Variants in GLI3 observed in about 807,000 individuals in gnomAD.
The protein encoded by GLI3 is GLI family zinc finger 3.
Under a neutral mutation model 100.8 loss-of-function variants are expected in GLI3, and 20 were observed. That is an observed-to-expected ratio of 0.20 (90% CI 0.14 to 0.29). The LOEUF (loss-of-function observed/expected upper bound fraction) is 0.29, where lower values mean the gene tolerates loss of function less well. GLI3 is among the 10% of genes least tolerant of loss of function. The probability of loss-of-function intolerance (pLI) is 1.00; values close to 1 mark genes in which losing one functional copy is unlikely to be tolerated. For synonymous variants in GLI3, 938 were observed against 860.5 expected (o/e 1.09, Z -1.58); for missense variants, 2,040 against 2,128.5 (o/e 0.96, Z 0.82).
chr7:42,064,609 T>G (rs905166671), intron 4 of GLI3, among the ~76,000 whole-genome samples: 1 of 152,142 alleles, frequency 6.6e-6, no homozygotes, highest in Admixed American at 6.6e-5. Flanking sequence ...AACCAACATA[T>G]TATTGGGTGG....
chr7:42,113,559 C>G, intron 3 of GLI3: 1 of 1,171,150 alleles, frequency 8.5e-7, no homozygotes, highest in Non-Finnish European at 1.3e-6. Context: ...AATAACCCTA[C>G]AGAAAATGGA....
At chr7:42,015,078 T>C (rs1189533755) in intron 10 of GLI3, among the ~76,000 whole-genome samples, 1 of 152,162 alleles carries the variant, frequency 6.6e-6, no homozygotes, top group Non-Finnish European at 1.5e-5. Context: ...TCTATCCTCA[T>C]AAACAAAAAA....
intron 7 of GLI3, among the ~76,000 whole-genome samples, chr7:42,039,396 T>C (rs569993776): frequency 6.6e-6 from 1 of 152,320 alleles, no homozygotes; most frequent in Admixed American, 6.5e-5. Context: ...GTCAAAACAC[T>C]TTCTGTCAAG....
chr7:41,964,466 G>C lies in GLI3; in HGVS notation c.4607C>G (p.Ser1536Cys), dbSNP rs758980438. 1.2e-6 allele frequency: 2 copies of C among 1,614,090 alleles called. No individual in the cohort carries two copies. Among genetic ancestry groups the C allele is most frequent in the Admixed American group, 1.7e-5 (1 of 60,012 alleles). The change falls in exon 15 of 15, where the codon TCC (serine) becomes TGC (cysteine). Residue 1536 changes from serine to cysteine, a missense_variant. Ser to Cys is a moderately radical substitution (Grantham distance 112). Around this residue, in one of 5 missense-constraint regions of GLI3, gnomAD observed 1,041 missense variants for 924.0 expected, o/e 1.13. Coordinates refer to ENST00000395925, the MANE Select transcript of GLI3 (RefSeq NM_000168.6). ...SIIQNLSHSS[S>C]RLTTPRASLP... ...GGACGCCCGAGGCGTGGTGAGGCGG[G>C]AGGAGCTATGGGAAAGGTTCTGAAT...
rs373935920 is a variant in GLI3 at position 42,148,207 on chromosome 7, G to A, written c.367+19C>T. ...TCCCCATAGCTCCTGAACAAGTGCC[G>A]ACTGGCATGGGCACTTACGGTAGTG... On this transcript the variant is annotated intron_variant, in intron 3 of 14. Transcript: ENST00000395925. 2.8e-5 allele frequency: 45 copies of A among 1,597,034 alleles called. No individual in the cohort carries two copies. Among genetic ancestry groups the A allele is most frequent in the Admixed American group, 1.2e-4 (7 of 58,716 alleles).
intron 1 of GLI3, among the ~76,000 whole-genome samples, chr7:42,225,179 T>A (rs1227356442): frequency 6.6e-6 from 1 of 152,200 alleles, no homozygotes; most frequent in African/African-American, 2.4e-5. Context: ...ACAATTGGCA[T>A]CATTGTTTCT....
chr7:42,093,236 G>A (rs771460161), intron 3 of GLI3, among the ~76,000 whole-genome samples: 1 of 151,910 alleles, frequency 6.6e-6, no homozygotes, highest in East Asian at 2.0e-4. Context: ...AAAATTAGCC[G>A]GGTGTGGTGG....
chr7:42,093,275 A>G (rs1562725404), intron 3 of GLI3, among the ~76,000 whole-genome samples: 1 of 149,962 alleles, frequency 6.7e-6, no homozygotes, highest in Non-Finnish European at 1.5e-5. Flanking sequence ...GCTAGTCGGG[A>G]GGCTGAGGCA....
chr7:42,109,986 C>T (rs1785666892), intron 3 of GLI3, among the ~76,000 whole-genome samples: 1 of 152,190 alleles, frequency 6.6e-6, no homozygotes, highest in African/African-American at 2.4e-5. Flanking sequence ...CATTACTTTT[C>T]TGTGAATGGA....
intron 2 of GLI3, among the ~76,000 whole-genome samples, chr7:42,163,237 A>G: frequency 6.6e-6 from 1 of 151,682 alleles, no homozygotes. Context: ...GTACTCTTCT[A>G]TCTCACCTCT....
chr7:42,262,209 T>TTCCTTCCTTCCTTCCTTAC (rs1186292634), intron 1 of GLI3, among the ~76,000 whole-genome samples: 1 of 110,842 alleles, frequency 9.0e-6, no homozygotes, highest in East Asian at 2.7e-4. Context: ...TCCTTCCTTC[T>TTCCTTCCTTCCTTCCTTAC]TTCCTTCCTT....
intron 4 of GLI3, among the ~76,000 whole-genome samples, chr7:42,073,096 CAG>C (rs1784815415): frequency 6.6e-6 from 1 of 152,162 alleles, no homozygotes; most frequent in Non-Finnish European, 1.5e-5. Flanking sequence ...CGTGACAACT[CAG>C]AGAATAATAC....
intron 1 of GLI3, among the ~76,000 whole-genome samples, chr7:42,261,978 CTCTTTCTT>C (rs141164464): frequency 0.019 from 2,631 of 140,558 alleles, 37 homozygotes; most frequent in South Asian, 0.033. Flanking sequence ...CTCTCGCTCT[CTCTTTCTT>C]TCTTTCTTTC....
intron 4 of GLI3, among the ~76,000 whole-genome samples, chr7:42,052,759 A>G (rs987067585): frequency 7.2e-5 from 11 of 152,146 alleles, no homozygotes; most frequent in African/African-American, 1.9e-4. Flanking sequence ...AAATGTGGTC[A>G]CTTATTAATT....
chr7:41,969,265 G>A (rs1371260141), intron 13 of GLI3, among the ~76,000 whole-genome samples: 2 of 152,128 alleles, frequency 1.3e-5, no homozygotes, highest in Admixed American at 6.5e-5. Context: ...CGTCTGCAGC[G>A]CCTTCACCAG....
At position 42,152,410 on chromosome 7, in the gene GLI3, C is replaced by A. The variant is rs534824746; in HGVS notation, c.125-3942G>T. On this transcript the variant is annotated intron_variant, in intron 2 of 14. Transcript: ENST00000395925. ...GCGCCAACTTCTCTTGGTGAGCTCT[C>A]TCTAGCTGCGCAGACCCTCTAGGAA... The A allele has an allele frequency of 9.1e-5, 90 of 985,564 alleles. 2 individuals carry two copies. The African/African-American group carries it at 1.4e-3, about 15-fold the overall frequency. The allele number at this position is 985,564 out of a possible 1,614,324, so 61.1% of individuals were successfully genotyped here. A position where few individuals can be genotyped will look rare whatever the true frequency, so the allele number is the denominator to read the frequency against.
chr7:42,056,982 CAAA>C (rs11322222), intron 4 of GLI3, among the ~76,000 whole-genome samples: 27 of 102,740 alleles, frequency 2.6e-4, no homozygotes, highest in Admixed American at 1.1e-3. Context: ...AACTCCGTCT[CAAA>C]AAAAAAAAAA....
chr7:41,965,279 G>T lies in GLI3; in HGVS notation c.3794C>A (p.Pro1265His), dbSNP rs1338386150. 1.9e-6 allele frequency: 3 copies of T among 1,613,662 alleles called. No homozygotes were observed. The highest frequency in any genetic ancestry group is 1.3e-5 in the African/African-American group (1 of 75,054). Residue 1265 changes from proline (P) to histidine (H), a missense_variant, in exon 15 of 15, where the codon CCT becomes CAT. Around this residue, in one of 5 missense-constraint regions of GLI3, gnomAD observed 1,041 missense variants for 924.0 expected, o/e 1.13. Coordinates refer to ENST00000395925, the MANE Select transcript of GLI3 (RefSeq NM_000168.6). ...ACCACAGGCACCGTCGAGTGCACCA[G>T]GGGCCACTGGCTGCCTGTTGAGACA... ...GNCLNRQPVA[P>H]GALDGACGAG...
chr7:42,217,647 A>T (rs531547886), intron 2 of GLI3, among the ~76,000 whole-genome samples: 1 of 152,356 alleles, frequency 6.6e-6, no homozygotes, highest in Admixed American at 6.5e-5. Context: ...ATTTACAAGG[A>T]AGTTTACAGA....
Sources: allele counts gnomAD v4.1 joint callset (sites outside exome capture counted in the v4.1 genomes callset), GRCh38; gene constraint gnomAD v4.1.1; regional missense constraint gnomAD v4.1.1; transcripts MANE v1.5; gene names NCBI Gene and HGNC (gene_info 2026-07-23, HGNC 2026-07-21).